Variants in BBX observed in about 807,000 individuals in gnomAD.
BBX encodes HMG box transcription factor BBX.
A neutral mutation model predicts 100.2 loss-of-function variants in BBX; 30 were observed. The ratio of observed to expected loss-of-function variants is 0.30; its 90% CI spans 0.22 to 0.41. The LOEUF is 0.41. Among genes scored for constraint, BBX ranks in the 10% least tolerant of loss-of-function variants. The pLI is 1.00. For synonymous variants in BBX, 376 were observed against 388.1 expected (o/e 0.97, Z 0.37); for missense variants, 1,023 against 1,129.8 (o/e 0.91, Z 1.35).
At chr3:107,576,758 TA>T (rs2051809441) in intron 2 of BBX, among the ~76,000 whole-genome samples, 4 of 152,204 alleles carry the variant, frequency 2.6e-5, no homozygotes, top group Admixed American at 2.6e-4. Context: ...GTTTTAACAT[TA>T]GGGGCTTATA....
At chr3:107,704,532 G>A (rs1198423713) in intron 3 of BBX, among the ~76,000 whole-genome samples, 1 of 152,210 alleles carries the variant, frequency 6.6e-6, no homozygotes, top group Non-Finnish European at 1.5e-5. Flanking sequence ...AGAGCATGGG[G>A]CCAATATTTG....
chr3:107,596,517 T>C (rs2053677589), intron 2 of BBX, among the ~76,000 whole-genome samples: 1 of 152,186 alleles, frequency 6.6e-6, no homozygotes, highest in Non-Finnish European at 1.5e-5. Flanking sequence ...TGGCAGCTTA[T>C]GTGAGATAGG....
chr3:107,624,284 C>T (rs2056001650), intron 2 of BBX, among the ~76,000 whole-genome samples: 3 of 152,174 alleles, frequency 2.0e-5, no homozygotes, highest in Admixed American at 6.5e-5. Flanking sequence ...TAAAACAAGG[C>T]ATTTAGATAA....
At chr3:107,795,608 G>A (rs1227349979) in intron 15 of BBX, among the ~76,000 whole-genome samples, 1 of 130,768 alleles carries the variant, frequency 7.6e-6, no homozygotes, top group African/African-American at 3.0e-5. Flanking sequence ...AACCTCCGAC[G>A]TAGTCTTTTT....
chr3:107,674,721 C>T (rs930487972), intron 3 of BBX: 3 of 152,640 alleles, frequency 2.0e-5, no homozygotes, highest in Admixed American at 2.0e-4. Flanking sequence ...GAGACTTTCT[C>T]AAAAGCAATT....
At position 107,710,580 on chromosome 3, in the gene BBX, A is replaced by G. The variant is rs748183985; in HGVS notation, c.120A>G (p.Ser40=). 1.5e-5 allele frequency: 24 copies of G among 1,613,706 alleles called. No homozygotes were observed. The East Asian group carries it at 5.4e-4, about 36-fold the overall frequency. Residue 40 remains serine, a synonymous_variant, in exon 4 of 18, where the codon TCA becomes TCG. Coordinates refer to ENST00000325805, the MANE Select transcript of BBX (RefSeq NM_001142568.3). The part of the protein sequence containing the change: ...PLLAKKLLDF[S]EEEEEEDEEE... ...TAGCAAAGAAACTTCTTGATTTTTCAGAAGAGGAAGAAGAGGAAGACGAAG... is the reference window on the plus strand; with the variant it reads ...TAGCAAAGAAACTTCTTGATTTTTCGGAAGAGGAAGAAGAGGAAGACGAAG...
intron 2 of BBX, among the ~76,000 whole-genome samples, chr3:107,598,934 T>C (rs771764783): frequency 3.3e-5 from 5 of 152,004 alleles, no homozygotes; most frequent in African/African-American, 4.8e-5. Flanking sequence ...TGCCCCACAA[T>C]AGGACCCAGC....
chr3:107,729,399 T>C (rs983700230), intron 6 of BBX, among the ~76,000 whole-genome samples: 2 of 152,098 alleles, frequency 1.3e-5, no homozygotes, highest in Admixed American at 1.3e-4. Flanking sequence ...AACAAGTACA[T>C]CACAAATCTG....
At chr3:107,556,660 A>G (rs1372137454) in intron 2 of BBX, among the ~76,000 whole-genome samples, 1 of 152,180 alleles carries the variant, frequency 6.6e-6, no homozygotes, top group Non-Finnish European at 1.5e-5. Context: ...CTAGCAGGTT[A>G]CCCATTATAA....
chr3:107,573,488 C>G (rs780032013), intron 2 of BBX, among the ~76,000 whole-genome samples: 1 of 151,932 alleles, frequency 6.6e-6, no homozygotes, highest in Non-Finnish European at 1.5e-5. Context: ...CCAGGAGGCC[C>G]GGAGGTTGCA....
chr3:107,661,656 A>G (rs1213115032), intron 3 of BBX, among the ~76,000 whole-genome samples: 1 of 152,220 alleles, frequency 6.6e-6, no homozygotes. Context: ...ACCCAAGTTC[A>G]GATTGCCAGC....
intron 2 of BBX, among the ~76,000 whole-genome samples, chr3:107,581,935 C>T (rs776807774): frequency 6.6e-6 from 1 of 152,004 alleles, no homozygotes. Flanking sequence ...AGTATTATTA[C>T]ATCTGTAGTG....
At chr3:107,597,003 T>G (rs2107607986) in intron 2 of BBX, among the ~76,000 whole-genome samples, 1 of 152,330 alleles carries the variant, frequency 6.6e-6, no homozygotes, top group South Asian at 2.1e-4. Context: ...TGTAAAAGAA[T>G]TTTGAAAACT....
At chr3:107,765,441 G>A (rs558149402) in intron 10 of BBX, among the ~76,000 whole-genome samples, 31 of 151,992 alleles carry the variant, frequency 2.0e-4, no homozygotes, top group African/African-American at 7.5e-4. Flanking sequence ...GGGTTTAGGG[G>A]TGGGTGTGGG....
At chr3:107,794,050 C>T (rs534908177) in intron 15 of BBX, among the ~76,000 whole-genome samples, 1 of 152,186 alleles carries the variant, frequency 6.6e-6, no homozygotes, top group East Asian at 1.9e-4. Flanking sequence ...AAACCAAGAA[C>T]ACTACCTCCT....
Position 107,809,320 on chromosome 3 carries a change from T to C in BBX, c.*3863T>C, listed in dbSNP as rs1327739144. ...GCTAAACTACTGTATGAATCGTAAATGTTCTGAAGACGAGCAGCTGGAGGC... is the reference window on the plus strand; with the variant it reads ...GCTAAACTACTGTATGAATCGTAAACGTTCTGAAGACGAGCAGCTGGAGGC... On this transcript the variant is annotated 3_prime_UTR_variant, in exon 18 of 18. Coordinates refer to ENST00000325805, the MANE Select transcript of BBX (RefSeq NM_001142568.3). 6.6e-6 allele frequency: 1 copy of C among 152,176 alleles called. No homozygotes were observed. Among genetic ancestry groups the C allele is most frequent in the African/African-American group, 2.4e-5 (1 of 41,440 alleles). 9.4% of individuals were successfully genotyped at this position (152,176 alleles called of 1,614,324 possible).
chr3:107,525,730 A>G (rs865973141), intron 1 of BBX, among the ~76,000 whole-genome samples: 2 of 152,134 alleles, frequency 1.3e-5, no homozygotes, highest in Non-Finnish European at 2.9e-5. Context: ...GTGGCCCTGC[A>G]CTTGCCGCTG....
At chr3:107,603,526 A>T (rs1474015550) in intron 2 of BBX, among the ~76,000 whole-genome samples, 7 of 151,252 alleles carry the variant, frequency 4.6e-5, no homozygotes, top group Non-Finnish European at 1.5e-5. Context: ...TTACAGGTGC[A>T]TGCCACCATG....
In BBX at chr3:107,805,585, C is replaced by T; in HGVS notation, c.*128C>T. 2 of 1,529,446 alleles carry T rather than the reference C, an allele frequency of 1.3e-6. No individual in the cohort carries two copies. Among genetic ancestry groups the T allele is most frequent in the Non-Finnish European group, 1.8e-6 (2 of 1,128,986 alleles). The allele number at this position is 1,529,446 out of a possible 1,614,324, so 94.7% of individuals were successfully genotyped here. ...ACAAGTGCTTGTTGCCCCACACGGC[C>T]CAGATTCACTTGAAGCAGAAGTTAG... On this transcript the variant is annotated 3_prime_UTR_variant, in exon 18 of 18. Transcript: ENST00000325805.
Sources: allele counts gnomAD v4.1 joint callset (sites outside exome capture counted in the v4.1 genomes callset), GRCh38; gene constraint gnomAD v4.1.1; transcripts MANE v1.5; gene names NCBI Gene and HGNC (gene_info 2026-07-23, HGNC 2026-07-21).